Variants in NOBOX observed in about 807,000 individuals in gnomAD.
NOBOX encodes the protein homeobox protein NOBOX.
NOBOX carries 46 observed loss-of-function variants against 60.2 expected under a neutral mutation model. That is an observed-to-expected ratio of 0.76 (90% CI 0.60 to 0.98). The LOEUF (loss-of-function observed/expected upper bound fraction) is 0.98, where lower values mean the gene tolerates loss of function less well. Among genes scored for constraint, NOBOX ranks in the 50% least tolerant of loss-of-function variants. NOBOX has a pLI of 0.00. For missense variants in NOBOX, 880 were observed against 865.5 expected (o/e 1.02, Z -0.21); for synonymous variants, 360 against 346.3 (o/e 1.04, Z -0.44).
chr7:144,396,942 T>C (rs1251026593), downstream of NOBOX, among the ~76,000 whole-genome samples: 3 of 151,472 alleles, frequency 2.0e-5, no homozygotes, highest in Non-Finnish European at 4.4e-5. Flanking sequence ...CGGTGGACAC[T>C]CCAGCTCATT....
At chr7:144,404,715 C>T (rs764595265) in intron 1 of NOBOX, 3 of 1,606,314 alleles carry the variant, frequency 1.9e-6, no homozygotes, top group Non-Finnish European at 2.5e-6. Flanking sequence ...TGTTTCCATC[C>T]ATTTGGTGTT....
chr7:144,399,926 GGCTGTTGCACAAGGA>G (rs2053924760), intron 5 of NOBOX, 63 bp from the exon 4 acceptor site: 7 of 1,402,856 alleles, frequency 5.0e-6, no homozygotes, highest in Non-Finnish European at 6.9e-6. Flanking sequence ...CTTAGGTCCT[GGCTGTTGCACAAGGA>G]GCTACAGGAC....
chr7:144,403,737 G>A (rs770595792), intron 2 of NOBOX, 44 bp from the exon 1 acceptor site: 7 of 692,214 alleles, frequency 1.0e-5, no homozygotes, highest in South Asian at 7.4e-5. Flanking sequence ...ATGCACAGGC[G>A]CGGCCTAATG....
chr7:144,397,584 A>G, intron 9 of NOBOX, 43 bp from the exon 8 acceptor site: 1 of 1,432,158 alleles, frequency 7.0e-7, no homozygotes, highest in South Asian at 1.4e-5. Context: ...CAGGATGGAG[A>G]GTATCAACTA....
chr7:144,409,110 T>C (rs1201413449), intron 1 of NOBOX, among the ~76,000 whole-genome samples: 4 of 152,242 alleles, frequency 2.6e-5, no homozygotes, highest in Non-Finnish European at 5.9e-5. Flanking sequence ...CCTAGTGTTC[T>C]GACCACAAGT....
chr7:144,403,776 C>A (rs1008157041), intron 2 of NOBOX, 83 bp from the exon 1 acceptor site: 3 of 521,434 alleles, frequency 5.8e-6, no homozygotes, highest in South Asian at 2.0e-5. Flanking sequence ...AGGTGTGCAG[C>A]CCGCACGGGC....
chr7:144,397,945 A>G (rs1253743778), intron 9 of NOBOX, among the ~76,000 whole-genome samples: 1 of 152,058 alleles, frequency 6.6e-6, no homozygotes, highest in East Asian at 1.9e-4. Context: ...TTTCACTCCT[A>G]TTGTATCTAA....
At chr7:144,408,426 G>A in intron 1 of NOBOX, among the ~76,000 whole-genome samples, 1 of 152,038 alleles carries the variant, frequency 6.6e-6, no homozygotes. Context: ...TTAGCGTTTT[G>A]TGTATTCTCC....
chr7:144,399,096 T>C lies in NOBOX; in HGVS notation c.1323A>G (p.Pro441=). ...TTCGCACAGGTGGGGGGCTGAAGAG[T>C]GGGGGGGTCACCACCCTCTGAGCAC... Residue 441 remains proline (P), a synonymous_variant, in exon 8 of 10, where the codon CCA becomes CCG. Transcript: ENST00000467773. 2.5e-6 allele frequency: 2 copies of C among 805,846 alleles called. No homozygotes were observed. Among genetic ancestry groups the C allele is most frequent in the Non-Finnish European group, 3.7e-6 (2 of 534,498 alleles). 49.9% of individuals were successfully genotyped at this position (805,846 alleles called of 1,614,324 possible). A position where few individuals can be genotyped will look rare whatever the true frequency, so the allele number is the denominator to read the frequency against.
chr7:144,402,178 C>A, intron 2 of NOBOX, among the ~76,000 whole-genome samples: 1 of 145,978 alleles, frequency 6.9e-6, no homozygotes, highest in Admixed American at 6.8e-5. Flanking sequence ...GCCCCCCCGC[C>A]CGCACCCCCC....
In NOBOX at chr7:144,397,281, C is replaced by G; in HGVS notation, c.2035G>C (p.Glu679Gln). The stretch of plus-strand genomic sequence containing the variant: ...TTCTTGTCATCCCCTCTGGCCTCCT[C>G]CAGTGCTGAGGGCTGATCCAGGGAA... Residue 679 changes from glutamate (E) to glutamine (Q), a missense_variant, in exon 10 of 10, where the codon GAG becomes CAG. Physicochemically the swap from Glu to Gln is conservative, Grantham distance 29 (BLOSUM62 2). Coordinates refer to ENST00000467773, the MANE Select transcript of NOBOX (RefSeq NM_001080413.3). 6.5e-7 allele frequency: 1 copy of G among 1,537,162 alleles called. No individual in the cohort carries two copies. Among genetic ancestry groups the G allele is most frequent in the South Asian group, 1.2e-5 (1 of 84,056 alleles).
downstream of NOBOX, chr7:144,397,109 CAG>C: frequency 1.3e-6 from 1 of 748,836 alleles, no homozygotes; most frequent in Non-Finnish European, 2.1e-6. Context: ...CGAGCCTACA[CAG>C]GGGAAACGTC....
intron 1 of NOBOX, chr7:144,404,763 G>C: frequency 6.5e-7 from 1 of 1,542,620 alleles, no homozygotes; most frequent in East Asian, 2.3e-5. Flanking sequence ...GACTTTCTTG[G>C]GGGAGATCTC....
intron 5 of NOBOX, 156 bp from the exon 4 acceptor site, chr7:144,400,019 C>A: frequency 7.1e-7 from 1 of 1,411,830 alleles, no homozygotes. Flanking sequence ...AAAGTCTCTG[C>A]AGTGCCTTCC....
rs1354729028 is a variant in NOBOX, at chr7:144,398,543, GCTCCAGCTC to G, written c.1504_1512del (p.Glu502_Glu504del). ...TGGTTGCTCTGTTGGTAATCCTGGG[GCTCCAGCTC>G]CTCCAAATATGAACAGGGGGGTGGC... On this transcript the variant is annotated inframe_deletion, in exon 9 of 10. Coordinates refer to ENST00000467773, the MANE Select transcript of NOBOX (RefSeq NM_001080413.3). 1 of 1,536,408 alleles carries G rather than the reference GCTCCAGCTC, an allele frequency of 6.5e-7. No homozygotes were observed. Among genetic ancestry groups the G allele is most frequent in the Admixed American group, 2.0e-5 (1 of 50,982 alleles).
chr7:144,410,213 CA>C lies in NOBOX; in HGVS notation c.14del (p.Leu5Ter). The C allele has an allele frequency of 6.4e-7, 1 of 1,565,998 alleles. No individual in the cohort carries two copies. The highest frequency in any genetic ancestry group is 8.7e-7 in the Non-Finnish European group (1 of 1,153,958). ...CCTCCAGGTCTGGTGATGTTAGTGT[CA>C]AAAGGAGAGCCATGTCATGGCCAGC... On this transcript the variant is annotated frameshift_variant, in exon 1 of 10. Coordinates refer to ENST00000467773, the MANE Select transcript of NOBOX (RefSeq NM_001080413.3). LOFTEE classifies it high-confidence loss of function.
rs1007589216 is a variant in NOBOX at position 144,398,267 on chromosome 7, C to T, written c.1774+15G>A. On this transcript the variant is annotated intron_variant, in intron 9 of 9. Transcript: ENST00000467773. ...CTCAATCTCAAGGGGACCTTCTCTC[C>T]CAGCCTCAACTCACCTATATTCCCA... The T allele has an allele frequency of 5.2e-6, 8 of 1,536,752 alleles. No individual in the cohort carries two copies. The highest frequency in any genetic ancestry group is 7.0e-6 in the Non-Finnish European group (8 of 1,146,740).
chr7:144,410,221 G>A lies in NOBOX; in HGVS notation c.7C>T (p.Leu3Phe). 1 of 1,563,482 alleles carries A rather than the reference G, an allele frequency of 6.4e-7. No individual in the cohort carries two copies. Residue 3 changes from leucine (L) to phenylalanine (F), a missense_variant, in exon 1 of 10, where the codon CTC becomes TTC. Transcript: ENST00000467773. ...TCTGGTGATGTTAGTGTCAAAAGGA[G>A]AGCCATGTCATGGCCAGCAGGTTCC...
In NOBOX at chr7:144,397,286, G is replaced by A. The variant is rs769887721; in HGVS notation, c.2030C>T (p.Ala677Val). Reference sequence around the variant, plus strand: ...GTCATCCCCTCTGGCCTCCTCCAGTGCTGAGGGCTGATCCAGGGAAGCAGC... The same window carrying A: ...GTCATCCCCTCTGGCCTCCTCCAGTACTGAGGGCTGATCCAGGGAAGCAGC... Residue 677 changes from alanine (A) to valine (V), a missense_variant, in exon 10 of 10, where the codon GCA becomes GTA. Coordinates refer to ENST00000467773, the MANE Select transcript of NOBOX (RefSeq NM_001080413.3). 1 of 1,537,252 alleles carries A rather than the reference G, an allele frequency of 6.5e-7. No homozygotes were observed.
Sources: allele counts gnomAD v4.1 joint callset (sites outside exome capture counted in the v4.1 genomes callset), GRCh38; gene constraint gnomAD v4.1.1; transcripts MANE v1.5; gene names NCBI Gene and HGNC (gene_info 2026-07-23, HGNC 2026-07-21).